ANKRD11: variants seen among roughly 807,000 people sequenced by gnomAD.
ANKRD11 encodes the protein ankyrin repeat domain-containing protein 11.
ANKRD11 carries 17 observed loss-of-function variants against 195.7 expected under a neutral mutation model. The ratio of observed to expected loss-of-function variants is 0.09; its 90% CI spans 0.06 to 0.13. The LOEUF (loss-of-function observed/expected upper bound fraction) is 0.13, where lower values mean the gene tolerates loss of function less well. Ranked by LOEUF, ANKRD11 falls within the 10% of genes least tolerant of loss-of-function variation. The pLI is 1.00. For missense variants in ANKRD11, 3,735 were observed against 3,566.1 expected, an observed-to-expected ratio of 1.05 and a Z score of -1.21; for synonymous variants, 1,953 against 1,528.1, an observed-to-expected ratio of 1.28 and a Z score of -6.49.
At chr16:89,295,981 CTGCCTTTT>C (rs1194175483) in intron 4 of ANKRD11, among the ~76,000 whole-genome samples, 3 of 22,350 alleles carry the variant, frequency 1.3e-4, no homozygotes, top group Non-Finnish European at 2.9e-4. Context: ...CTCTATCTGG[CTGCCTTTT>C]TTTTTTTTTT....
intron 2 of ANKRD11, among the ~76,000 whole-genome samples, chr16:89,321,467 G>C (rs573453629): frequency 2.0e-5 from 3 of 150,374 alleles, no homozygotes; most frequent in African/African-American, 7.4e-5. Context: ...TGCGGGGCGG[G>C]GACTGTGGGG....
rs2038835381 is a variant in ANKRD11 at position 89,344,273 on chromosome 16, G to A, written c.-59-27195C>T. Among the ~76,000 whole-genome samples the A allele has an allele frequency of 2.0e-5, 3 of 152,160 alleles. No individual in the cohort carries two copies. The South Asian group carries it at 6.2e-4, about 32-fold the overall frequency. ...TTACTTTCATACGTTATTTTATTTG[G>A]AGCCTCTAACGAGCCTCAGCTAACA... On this transcript the variant is annotated intron_variant, in intron 2 of 12. Transcript: ENST00000301030.
chr16:89,387,084 G>C (rs1292037108), intron 2 of ANKRD11, among the ~76,000 whole-genome samples: 1 of 152,162 alleles, frequency 6.6e-6, no homozygotes, highest in African/African-American at 2.4e-5. Flanking sequence ...GAAGGCCCCA[G>C]TGACATGGAG....
chr16:89,310,507 A>G (rs374329918), intron 3 of ANKRD11, among the ~76,000 whole-genome samples: 17 of 152,292 alleles, frequency 1.1e-4, no homozygotes, highest in African/African-American at 2.9e-4. Flanking sequence ...CTGGCATTAC[A>G]CTGAATCTGT....
intron 4 of ANKRD11, among the ~76,000 whole-genome samples, chr16:89,295,474 G>A (rs927527767): frequency 5.9e-5 from 9 of 152,236 alleles, no homozygotes; most frequent in African/African-American, 2.2e-4. Flanking sequence ...CAGCTGGCCA[G>A]TGGAAGATTC....
intron 1 of ANKRD11, among the ~76,000 whole-genome samples, chr16:89,446,614 A>C (rs1030662743): frequency 4.6e-5 from 7 of 152,114 alleles, no homozygotes; most frequent in Admixed American, 3.3e-4. Flanking sequence ...AAACAAAAAC[A>C]AAAACCAAAA....
intron 2 of ANKRD11, among the ~76,000 whole-genome samples, chr16:89,333,235 T>C (rs1387829791): frequency 6.6e-6 from 1 of 152,126 alleles, no homozygotes. Context: ...AAATAAAACA[T>C]ATTTTATTTT....
intron 1 of ANKRD11, among the ~76,000 whole-genome samples, chr16:89,479,894 G>C (rs1271001831): frequency 6.8e-6 from 1 of 146,990 alleles, no homozygotes. Flanking sequence ...AGTGAGCCGA[G>C]ATTGTGCCAC....
rs745498169 is a variant in ANKRD11 at position 89,280,091 on chromosome 16, C to G, written c.6451G>C (p.Gly2151Arg). ...CTTTCTTCCACGGGTTCCGCTTCAC[C>G]ATCTGCGGCATCTTTAGTCTGCAGG... is the stretch of plus-strand genomic sequence containing the variant. ...LPLQTKDAAD[G>R]EAEPVEESLA... The change falls in exon 9 of 13, where the codon GGT becomes CGT. Residue 2151 changes from glycine to arginine, a missense_variant. Coordinates refer to ENST00000301030, the MANE Select transcript of ANKRD11 (RefSeq NM_013275.6). The G allele has an allele frequency of 1.2e-6, 2 of 1,613,154 alleles. No homozygotes were observed. The highest frequency in any genetic ancestry group is 2.7e-5 in the African/African-American group (2 of 75,050).
Position 89,283,645 on chromosome 16 carries a change from G to A in ANKRD11, c.2897C>T (p.Ala966Val). Residue 966 changes from alanine (A) to valine (V), a missense_variant, in exon 9 of 13, where the codon GCC becomes GTC. Transcript: ENST00000301030. This position sits in a 1 kb window ranked among gnomAD's most constrained non-coding sequence, Gnocchi z 4.3. ...CTCCCGGTGCGCCTCCTCGGGCTTGGCCCTGCCGTCCCTGCGCTCCTTGCA... is the reference window on the plus strand; with the variant it reads ...CTCCCGGTGCGCCTCCTCGGGCTTGACCCTGCCGTCCCTGCGCTCCTTGCA... ...ESCKERRDGRAKPEEAHREEL... is the reference protein window; with the variant it reads ...ESCKERRDGRVKPEEAHREEL... 1.2e-6 allele frequency: 2 copies of A among 1,611,012 alleles called. No individual in the cohort carries two copies. Among genetic ancestry groups the A allele is most frequent in the Non-Finnish European group, 8.5e-7 (1 of 1,179,882 alleles).
chr16:89,402,287 C>G (rs1227042527), intron 2 of ANKRD11, among the ~76,000 whole-genome samples: 1 of 152,102 alleles, frequency 6.6e-6, no homozygotes, highest in Non-Finnish European at 1.5e-5. Context: ...GTAGAAAGAA[C>G]GAGGCTTGTC....
chr16:89,371,203 T>A (rs2040178081), intron 2 of ANKRD11, among the ~76,000 whole-genome samples: 1 of 152,104 alleles, frequency 6.6e-6, no homozygotes, highest in Non-Finnish European at 1.5e-5. Context: ...GCAACGACTC[T>A]CACTACCTCC....
At chr16:89,402,309 A>C (rs555710752) in intron 2 of ANKRD11, among the ~76,000 whole-genome samples, 3 of 152,150 alleles carry the variant, frequency 2.0e-5, no homozygotes, top group Middle Eastern at 3.2e-3. Flanking sequence ...CAGCGATACT[A>C]ATGTACAGTT....
intron 2 of ANKRD11, among the ~76,000 whole-genome samples, chr16:89,322,176 GTT>G (rs2037366712): frequency 1.3e-5 from 2 of 152,178 alleles, no homozygotes; most frequent in African/African-American, 4.8e-5. Context: ...CCCCTGTATT[GTT>G]CAAGGGTTTG....
intron 1 of ANKRD11, among the ~76,000 whole-genome samples, chr16:89,487,219 C>A (rs2057647908): frequency 6.6e-6 from 1 of 152,178 alleles, no homozygotes; most frequent in Non-Finnish European, 1.5e-5. Flanking sequence ...ATCATTTTCA[C>A]CGATTAACTA....
chr16:89,489,221 ACACACGCGCGCG>A (rs1250158394), intron 1 of ANKRD11: 1 of 104,884 alleles, frequency 9.5e-6, no homozygotes, highest in African/African-American at 3.2e-5. Context: ...ACACACACAC[ACACACGCGCGCG>A]CGCGCGCGCG....
At chr16:89,271,238 C>CTT (rs11329471) in intron 11 of ANKRD11, 40 of 303,436 alleles carry the variant, frequency 1.3e-4, no homozygotes, top group South Asian at 2.8e-4. Flanking sequence ...CTGGGAGAGA[C>CTT]TTTTTTTTTT....
In ANKRD11 at chr16:89,285,930, C is replaced by G; in HGVS notation, c.892+109G>C. The G allele has an allele frequency of 3.2e-6, 5 of 1,560,976 alleles. No homozygotes were observed. The highest frequency in any genetic ancestry group is 4.4e-6 in the Non-Finnish European group (5 of 1,140,992). ...CAGTCCAGAAGCTCCTGTAAGCCCC[C>G]AGCATCCGAGGAGGAGCTGATCAGA... On this transcript the variant is annotated intron_variant, in intron 8 of 12. Coordinates refer to ENST00000301030, the MANE Select transcript of ANKRD11 (RefSeq NM_013275.6). This position sits in a 1 kb window ranked among gnomAD's most constrained non-coding sequence, Gnocchi z 5.6.
intron 2 of ANKRD11, among the ~76,000 whole-genome samples, chr16:89,407,777 G>A (rs2041965656): frequency 6.7e-6 from 1 of 149,734 alleles, no homozygotes; most frequent in Non-Finnish European, 1.5e-5. Flanking sequence ...TTGAGCCCAG[G>A]AGGCAGAGGC....
Sources: allele counts gnomAD v4.1 joint callset (sites outside exome capture counted in the v4.1 genomes callset), GRCh38; gene constraint gnomAD v4.1.1; non-coding constraint Gnocchi (gnomAD v3.1); transcripts MANE v1.5; gene names NCBI Gene and HGNC (gene_info 2026-07-23, HGNC 2026-07-21).